The following EPB41L4B variants were observed in gnomAD, a reference collection of about 807,000 sequenced individuals.
EPB41L4B encodes the protein band 4.1-like protein 4B.
EPB41L4B carries 30 observed loss-of-function variants against 112.5 expected under a neutral mutation model. The ratio of observed to expected loss-of-function variants is 0.27; its 90% CI spans 0.20 to 0.36. The LOEUF is 0.36. Among genes scored for constraint, EPB41L4B ranks in the 10% least tolerant of loss-of-function variants. EPB41L4B has a pLI of 1.00. For missense variants in EPB41L4B, 1,024 were observed against 1,133.3 expected (o/e 0.90, Z 1.38); for synonymous variants, 408 against 439.7 (o/e 0.93, Z 0.90).
intron 2 of EPB41L4B, among the ~76,000 whole-genome samples, chr9:109,269,955 G>A (rs755217696): frequency 1.2e-4 from 18 of 152,218 alleles, no homozygotes; most frequent in Non-Finnish European, 2.5e-4. Context: ...AATACAATAA[G>A]CTGGGGGCAG....
At chr9:109,259,032 C>A (rs559189444) in intron 6 of EPB41L4B, among the ~76,000 whole-genome samples, 1 of 152,130 alleles carries the variant, frequency 6.6e-6, no homozygotes, top group Non-Finnish European at 1.5e-5. Flanking sequence ...CACTCTCCCC[C>A]ACCCCCTGCA....
chr9:109,262,816 G>C (rs905265407), intron 6 of EPB41L4B, among the ~76,000 whole-genome samples: 1 of 152,048 alleles, frequency 6.6e-6, no homozygotes, highest in African/African-American at 2.4e-5. Flanking sequence ...TCCCCACAAT[G>C]GGCCTTCCTT....
intron 15 of EPB41L4B, among the ~76,000 whole-genome samples, chr9:109,225,559 G>GA (rs906109678): frequency 5.3e-5 from 8 of 152,248 alleles, no homozygotes; most frequent in African/African-American, 1.9e-4. Context: ...CAGTAGGGGG[G>GA]AAACTTCCCC....
chr9:109,296,732 T>C (rs1836743790), intron 1 of EPB41L4B, among the ~76,000 whole-genome samples: 3 of 151,944 alleles, frequency 2.0e-5, no homozygotes, highest in Admixed American at 2.0e-4. Context: ...ACACAAAATT[T>C]TAAAAATTAT....
At chr9:109,269,078 T>C (rs952958571) in intron 2 of EPB41L4B, among the ~76,000 whole-genome samples, 1 of 152,108 alleles carries the variant, frequency 6.6e-6, no homozygotes, top group Non-Finnish European at 1.5e-5. Context: ...TTACAGCCAA[T>C]CTTCTCCAAG....
At chr9:109,230,869 C>G (rs979134773) in intron 15 of EPB41L4B, among the ~76,000 whole-genome samples, 2 of 152,050 alleles carry the variant, frequency 1.3e-5, no homozygotes, top group Non-Finnish European at 2.9e-5. Context: ...CAGAAAAGGT[C>G]AAAATTGGCC....
intron 6 of EPB41L4B, among the ~76,000 whole-genome samples, chr9:109,261,331 TC>T (rs1353597493): frequency 6.6e-6 from 1 of 152,088 alleles, no homozygotes; most frequent in Non-Finnish European, 1.5e-5. Context: ...GGGGGGTCTC[TC>T]CAATTTCAAT....
chr9:109,195,367 A>G (rs1340626445), intron 20 of EPB41L4B, among the ~76,000 whole-genome samples: 2 of 152,212 alleles, frequency 1.3e-5, no homozygotes, highest in Admixed American at 6.5e-5. Flanking sequence ...TGCAGTGCGG[A>G]TGGGATTGAC....
chr9:109,265,070 C>T lies in EPB41L4B; in HGVS notation c.534-46G>A, dbSNP rs143261299. The T allele has an allele frequency of 3.3e-5, 51 of 1,545,728 alleles. No individual in the cohort carries two copies. In the African/African-American group the frequency reaches 6.4e-4, roughly 19 times the overall value. On this transcript the variant is annotated intron_variant, in intron 4 of 25. Coordinates refer to ENST00000374566, the MANE Select transcript of EPB41L4B (RefSeq NM_019114.5). The stretch of plus-strand genomic sequence containing the variant: ...TCAACAGAGGGTAACTCTTTCCCAG[C>T]TGCTCCCAATCCCCAGCTTCCCACT...
chr9:109,212,534 C>A (rs1455884583), intron 17 of EPB41L4B, among the ~76,000 whole-genome samples: 1 of 152,150 alleles, frequency 6.6e-6, no homozygotes, highest in Non-Finnish European at 1.5e-5. Context: ...CATTAGTAAT[C>A]AGAGGAACTT....
intron 2 of EPB41L4B, among the ~76,000 whole-genome samples, chr9:109,270,006 C>T (rs527591957): frequency 9.2e-5 from 14 of 152,298 alleles, no homozygotes; most frequent in Middle Eastern, 3.4e-3. Context: ...TTGTCATCTC[C>T]ACTCCAGGCT....
intron 1 of EPB41L4B, among the ~76,000 whole-genome samples, chr9:109,292,930 G>A (rs545528160): frequency 3.7e-4 from 56 of 152,314 alleles, no homozygotes; most frequent in African/African-American, 1.3e-3. Context: ...CCACAAGCAC[G>A]TGTGCCAGTC....
chr9:109,299,873 T>C (rs1485521172), intron 1 of EPB41L4B, among the ~76,000 whole-genome samples: 1 of 152,208 alleles, frequency 6.6e-6, no homozygotes, highest in Non-Finnish European at 1.5e-5. Flanking sequence ...TTTACAGCTG[T>C]GTGGGGATGG....
At chr9:109,214,390 C>T (rs1833290416) in intron 16 of EPB41L4B, among the ~76,000 whole-genome samples, 2 of 152,120 alleles carry the variant, frequency 1.3e-5, no homozygotes, top group African/African-American at 4.8e-5. Flanking sequence ...TGCCAAGTAT[C>T]GTTAGCAACT....
intron 2 of EPB41L4B, among the ~76,000 whole-genome samples, chr9:109,269,698 T>TTC (rs765910607): frequency 3.3e-5 from 5 of 152,226 alleles, no homozygotes; most frequent in Non-Finnish European, 7.3e-5. Flanking sequence ...ATGCTGGAAC[T>TTC]TCTCTGTTAG....
chr9:109,248,670 C>T (rs1232883919), intron 13 of EPB41L4B, among the ~76,000 whole-genome samples: 1 of 152,080 alleles, frequency 6.6e-6, no homozygotes, highest in East Asian at 1.9e-4. Context: ...GTCCTGAACT[C>T]CTGGGCTCAA....
At chr9:109,212,238 C>A (rs1164180018) in intron 17 of EPB41L4B, among the ~76,000 whole-genome samples, 1 of 152,094 alleles carries the variant, frequency 6.6e-6, no homozygotes, top group Non-Finnish European at 1.5e-5. Context: ...TGGATTTTGC[C>A]AAAGTCTGGA....
Position 109,320,194 on chromosome 9 carries a change from G to C in EPB41L4B, c.253C>G (p.Leu85Val). 1.4e-6 allele frequency: 2 copies of C among 1,456,822 alleles called. No homozygotes were observed. Among genetic ancestry groups the C allele is most frequent in the Non-Finnish European group, 1.8e-6 (2 of 1,100,690 alleles). The allele number at this position is 1,456,822 out of a possible 1,614,324, so 90.2% of individuals were successfully genotyped here. The stretch of plus-strand genomic sequence containing the variant: ...TCGAGCAGGAAGACGCGGCAGTAGA[G>C]GGTGGCCTTGGCGGCGCCGGCGGCG... Reference protein sequence around the residue: ...ISAAGAAKATLYCRVFLLDGT... With the variant: ...ISAAGAAKATVYCRVFLLDGT... Residue 85 changes from leucine to valine, a missense_variant, in exon 1 of 26, where the codon CTC becomes GTC. Transcript: ENST00000374566.
chr9:109,182,899 G>A, intron 23 of EPB41L4B, 102 bp from the exon 24 acceptor site: 4 of 817,218 alleles, frequency 4.9e-6, no homozygotes, highest in Non-Finnish European at 4.2e-6. Context: ...GGATTCAGGG[G>A]TGCCCCCGCA....
Sources: allele counts gnomAD v4.1 joint callset (sites outside exome capture counted in the v4.1 genomes callset), GRCh38; gene constraint gnomAD v4.1.1; transcripts MANE v1.5; gene names NCBI Gene and HGNC (gene_info 2026-07-23, HGNC 2026-07-21).